Variants in PNPLA6 observed in about 807,000 individuals in gnomAD.
PNPLA6 encodes the protein patatin-like phospholipase domain-containing protein 6.
A neutral mutation model predicts 153.7 loss-of-function variants in PNPLA6; 105 were observed. The observed-to-expected ratio is 0.68, with a 90% CI of 0.58 to 0.80. The LOEUF is 0.80. PNPLA6 is among the 30% of genes least tolerant of loss of function. PNPLA6 has a pLI of 0.00. For synonymous variants in PNPLA6, 825 were observed against 822.2 expected, an observed-to-expected ratio of 1.00 and a Z score of -0.06; for missense variants, 1,423 against 1,919.3, an observed-to-expected ratio of 0.74 and a Z score of 4.83.
Position 7,557,092 on chromosome 19 carries a change from C to G in PNPLA6, c.3281-76C>G, listed in dbSNP as rs1324765733. 5.3e-5 allele frequency: 59 copies of G among 1,108,640 alleles called. No individual in the cohort carries two copies. The East Asian group carries it at 1.3e-3, about 25-fold the overall frequency. 68.7% of individuals were successfully genotyped at this position (1,108,640 alleles called of 1,614,324 possible). ...GTTAACAACGTCCCAGGTCAGCGAG[C>G]CCATCGGGCCGGCTGGGCCTCCGGC... is the stretch of plus-strand genomic sequence containing the variant. On this transcript the variant is annotated intron_variant, in intron 26 of 31. Coordinates refer to ENST00000600737, the MANE Select transcript of PNPLA6 (RefSeq NM_001166114.2).
Position 7,555,674 on chromosome 19 carries a change from G to T in PNPLA6, c.3004G>T (p.Gly1002Cys), listed in dbSNP as rs772547801. 1.9e-6 allele frequency: 3 copies of T among 1,613,274 alleles called. No homozygotes were observed. The highest frequency in any genetic ancestry group is 8.5e-7 in the Non-Finnish European group (1 of 1,179,792). The change falls in exon 24 of 32, where the codon GGC becomes TGC. Residue 1002 changes from glycine to cysteine, a missense_variant. By Grantham distance (159) the Gly-to-Cys change is radical. Coordinates refer to ENST00000600737, the MANE Select transcript of PNPLA6 (RefSeq NM_001166114.2). The surrounding 1 kb of genome is among the most constrained non-coding windows in gnomAD (Gnocchi z 6.3). ...GGGGGTCCCCGTGGACCTGGTGGGC[G>T]GCACGTCCATTGGCTCTTTCATCGG... ...EAGVPVDLVG[G>C]TSIGSFIGAL...
intron 13 of PNPLA6, among the ~76,000 whole-genome samples, chr19:7,545,863 T>C (rs1018586230): frequency 2.1e-5 from 3 of 140,556 alleles, no homozygotes; most frequent in Non-Finnish European, 3.0e-5. Flanking sequence ...TGAGCTGAGA[T>C]CGCACCCCTG....
chr19:7,561,663 C>T lies in PNPLA6; in HGVS notation c.*101C>T, dbSNP rs777505334. The T allele has an allele frequency of 2.1e-5, 17 of 822,592 alleles. No homozygotes were observed. Among genetic ancestry groups the T allele is most frequent in the Non-Finnish European group, 3.2e-5 (16 of 494,856 alleles). The allele number at this position is 822,592 out of a possible 1,614,324, so 51.0% of individuals were successfully genotyped here. On this transcript the variant is annotated 3_prime_UTR_variant, in exon 32 of 32. Transcript: ENST00000600737. ...CCCCCTCCTGCTGCTATGCCTGTGA[C>T]CCCCGCGGCCCACACACTGGACTGA...
chr19:7,538,295 C>A (rs553771694), intron 3 of PNPLA6, among the ~76,000 whole-genome samples: 1 of 152,158 alleles, frequency 6.6e-6, no homozygotes, highest in Admixed American at 6.5e-5. Context: ...TCTCTCCTGC[C>A]TCAGCCTCTT....
In PNPLA6 at chr19:7,554,194, C is replaced by T. The variant is rs1453464993; in HGVS notation, c.2402-15C>T. The T allele has an allele frequency of 1.2e-6, 2 of 1,613,340 alleles. No individual in the cohort carries two copies. Among genetic ancestry groups the T allele is most frequent in the Non-Finnish European group, 8.5e-7 (1 of 1,179,396 alleles). ...GGACCATGGTTCCCAGCCTCCCTTC[C>T]CCACCTACCCCTAGGTCCGACGCTA... is the stretch of plus-strand genomic sequence containing the variant. On this transcript the variant is annotated splice_polypyrimidine_tract_variant and intron_variant, in intron 19 of 31. Coordinates refer to ENST00000600737, the MANE Select transcript of PNPLA6 (RefSeq NM_001166114.2).
intron 20 of PNPLA6, 51 bp from the exon 21 acceptor site, chr19:7,554,504 A>C: frequency 6.2e-7 from 1 of 1,600,374 alleles, no homozygotes; most frequent in Non-Finnish European, 8.6e-7. Flanking sequence ...CTCGGGGAGC[A>C]CACTGACCCC....
Position 7,542,014 on chromosome 19 carries a change from C to A in PNPLA6, c.1199C>A (p.Thr400Asn), listed in dbSNP as rs1306432122. The A allele has an allele frequency of 6.2e-7, 1 of 1,608,162 alleles. No individual in the cohort carries two copies. Among genetic ancestry groups the A allele is most frequent in the Admixed American group, 1.7e-5 (1 of 59,988 alleles). ...GDPVKPTSLE[T>N]PSAPLLSRCV... ...CCTGTGAAGCCCACATCCCTGGAAA[C>A]CCCCTCGGCCCCTCTGCTGAGCCGC... Residue 400 changes from threonine to asparagine, a missense_variant, in exon 10 of 32, where the codon ACC (threonine) becomes AAC (asparagine). By Grantham distance (65) the Thr-to-Asn change is moderately conservative. Coordinates refer to ENST00000600737, the MANE Select transcript of PNPLA6 (RefSeq NM_001166114.2).
chr19:7,542,723 G>A (rs1024409248), intron 11 of PNPLA6, 38 bp from the exon 12 acceptor site: 1 of 1,612,748 alleles, frequency 6.2e-7, no homozygotes, highest in Non-Finnish European at 8.5e-7. Context: ...AGGTGGCTGG[G>A]AGGGAGCATC....
rs587777854 is a variant in PNPLA6 at position 7,558,861 on chromosome 19, C to G, written c.3409C>G (p.Arg1137Gly). 1 of 1,609,392 alleles carries G rather than the reference C, an allele frequency of 6.2e-7. No homozygotes were observed. Among genetic ancestry groups the G allele is most frequent in the Non-Finnish European group, 8.5e-7 (1 of 1,179,776 alleles). Residue 1137 changes from arginine (R) to glycine (G), a missense_variant, in exon 28 of 32, where the codon CGC (arginine) becomes GGC (glycine). This residue lies in a region of PNPLA6 where 643 missense variants were observed against 835.2 expected (regional missense o/e 0.77). Transcript: ENST00000600737. The stretch of plus-strand genomic sequence containing the variant: ...CCCTGGCCCCACAGCGGACATCGCC[C>G]GCAGCATGGGTGCCAAAACGGTCAT... ...YINNLPADIA[R>G]SMGAKTVIAI...
upstream of PNPLA6, chr19:7,535,432 G>A (rs189785210): frequency 2.3e-5 from 25 of 1,068,056 alleles, no homozygotes; most frequent in East Asian, 2.6e-5. This position sits in a 1 kb window ranked among gnomAD's most constrained non-coding sequence, Gnocchi z 5.0. Context: ...TTGAGCTGGG[G>A]GCAGGGCTTG....
rs2022834129 is a variant in PNPLA6, at chr19:7,535,809, G to A, written c.21G>A (p.Gly7=). 1 of 1,536,618 alleles carries A rather than the reference G, an allele frequency of 6.5e-7. No individual in the cohort carries two copies. Among genetic ancestry groups the A allele is most frequent in the Admixed American group, 2.0e-5 (1 of 50,992 alleles). Residue 7 remains glycine, a synonymous_variant, in exon 1 of 32, where the codon GGG becomes GGA. Transcript: ENST00000600737. This position sits in a 1 kb window ranked among gnomAD's most constrained non-coding sequence, Gnocchi z 5.0. ...TGCAGATGGGGACATCGAGTCACGGGCTGGCTACGAACTCCTCGGGGGCGA... is the reference window on the plus strand; with the variant it reads ...TGCAGATGGGGACATCGAGTCACGGACTGGCTACGAACTCCTCGGGGGCGA... The part of the protein sequence containing the change: MGTSSH[G]LATNSSGAKV...
intron 14 of PNPLA6, 45 bp downstream of exon 14, chr19:7,550,157 C>A (rs2023580453): frequency 6.2e-7 from 1 of 1,610,674 alleles, no homozygotes; most frequent in Non-Finnish European, 8.5e-7. Context: ...TCGGAGGACC[C>A]CAACCCGTGG....
At position 7,555,900 on chromosome 19, in the gene PNPLA6, G is replaced by A; in HGVS notation, c.3093+137G>A. ...TTAAATCTATGATCCCCAGCTGTCC[G>A]GACTTTTATAGATAAGCTTCTAGGA... On this transcript the variant is annotated intron_variant, in intron 24 of 31. Transcript: ENST00000600737. The surrounding 1 kb of genome is among the most constrained non-coding windows in gnomAD (Gnocchi z 6.3). The A allele has an allele frequency of 4.3e-6, 4 of 937,738 alleles. No individual in the cohort carries two copies. Among genetic ancestry groups the A allele is most frequent in the South Asian group, 1.4e-5 (1 of 71,384 alleles). 58.1% of individuals were successfully genotyped at this position (937,738 alleles called of 1,614,324 possible).
In PNPLA6 at chr19:7,536,447, A is replaced by C; in HGVS notation, c.316-2A>C. ...CACCCATCTCCGCCTTCATTCTCCCAGGTGTCACAATCCACCTCCTCCCTC... is the reference window on the plus strand; with the variant it reads ...CACCCATCTCCGCCTTCATTCTCCCCGGTGTCACAATCCACCTCCTCCCTC... On this transcript the variant is annotated splice_acceptor_variant, in intron 2 of 31. Coordinates refer to ENST00000600737, the MANE Select transcript of PNPLA6 (RefSeq NM_001166114.2). LOFTEE classifies it high-confidence loss of function. The C allele has an allele frequency of 6.2e-7, 1 of 1,607,866 alleles. No homozygotes were observed. The highest frequency in any genetic ancestry group is 8.5e-7 in the Non-Finnish European group (1 of 1,174,318).
Position 7,541,214 on chromosome 19 carries a change from T to A in PNPLA6, c.925-140T>A. On this transcript the variant is annotated intron_variant, in intron 7 of 31. Coordinates refer to ENST00000600737, the MANE Select transcript of PNPLA6 (RefSeq NM_001166114.2). The surrounding 1 kb of genome is among the most constrained non-coding windows in gnomAD (Gnocchi z 5.2). ...TGCAGCCGCGGACTCCTCCCTTAGC[T>A]GCCTCGCCCCATTTCCCCAGACTGT... The A allele has an allele frequency of 9.2e-7, 1 of 1,092,520 alleles. No homozygotes were observed. The highest frequency in any genetic ancestry group is 1.4e-6 in the Non-Finnish European group (1 of 736,754). The allele number at this position is 1,092,520 out of a possible 1,614,324, so 67.7% of individuals were successfully genotyped here.
intron 26 of PNPLA6, 45 bp downstream of exon 26, chr19:7,556,769 G>A: frequency 7.3e-7 from 1 of 1,368,250 alleles, no homozygotes; most frequent in Non-Finnish European, 1.0e-6. Flanking sequence ...ACGCCACGTG[G>A]GGTTGGGGGG....
intron 13 of PNPLA6, 55 bp from the exon 14 acceptor site, chr19:7,549,852 A>G (rs1462282071): frequency 6.4e-7 from 1 of 1,550,822 alleles, no homozygotes; most frequent in Non-Finnish European, 8.9e-7. Flanking sequence ...TGTTGACCTG[A>G]GCTGGGGTCC....
At chr19:7,559,300 G>C (rs533252035) in intron 28 of PNPLA6, 149 bp downstream of exon 28, 1 of 762,234 alleles carries the variant, frequency 1.3e-6, no homozygotes, top group Non-Finnish European at 2.3e-6. Context: ...TGATCAATTG[G>C]TGATGTCTGC....
chr19:7,549,964 G>C lies in PNPLA6; in HGVS notation c.1666G>C (p.Asp556His), dbSNP rs527328776. Residue 556 changes from aspartate (D) to histidine (H), a missense_variant, in exon 14 of 32, where the codon GAC (aspartate) becomes CAC (histidine). Transcript: ENST00000600737. ...GCLHVYQRMI[D>H]KAEDVCLFVA... ...CCTGCACGTGTACCAGCGCATGATC[G>C]ACAAGGCGGAGGACGTGTGCCTGTT... 1.2e-6 allele frequency: 2 copies of C among 1,613,882 alleles called. No individual in the cohort carries two copies. The highest frequency in any genetic ancestry group is 8.5e-7 in the Non-Finnish European group (1 of 1,180,040).
Sources: gnomAD v4.1 joint callset for allele counts (sites outside exome capture counted in the v4.1 genomes callset) on GRCh38, gnomAD v4.1.1 for gene constraint, gnomAD v4.1.1 regional missense constraint, Gnocchi (gnomAD v3.1) non-coding constraint, MANE v1.5 for transcripts, NCBI Gene and HGNC (gene_info 2026-07-23, HGNC 2026-07-21) for gene names.